Variants in VRK2 observed in about 807,000 individuals in gnomAD.
VRK2 encodes VRK serine/threonine kinase 2.
Under a neutral mutation model 57.6 loss-of-function variants are expected in VRK2, and 60 were observed. The observed-to-expected ratio is 1.04, with a 90% confidence interval of 0.85 to 1.29. The LOEUF is 1.29. Ranked by LOEUF, VRK2 falls within the 50% of genes most tolerant of loss-of-function variation. VRK2 has a pLI of 0.00. For synonymous variants in VRK2, 231 were observed against 199.2 expected, an observed-to-expected ratio of 1.16 and a Z score of -1.35; for missense variants, 705 against 588.1, an observed-to-expected ratio of 1.20 and a Z score of -2.06.
upstream of VRK2, among the ~76,000 whole-genome samples, chr2:58,045,603 T>C (rs1674680941): frequency 6.6e-6 from 1 of 152,226 alleles, no homozygotes; most frequent in Non-Finnish European, 1.5e-5. Context: ...TCTTTAAAAA[T>C]ACTTTTTTGT....
intron 7 of VRK2, among the ~76,000 whole-genome samples, chr2:58,113,328 A>G (rs2104424547): frequency 6.6e-6 from 1 of 151,996 alleles, no homozygotes; most frequent in Admixed American, 6.5e-5. Flanking sequence ...AAAAAAAAAA[A>G]AAGACAGTTG....
intron 10 of VRK2, among the ~76,000 whole-genome samples, 164 bp from the exon 11 acceptor site, chr2:58,139,502 T>G (rs1373877831): frequency 6.6e-6 from 1 of 152,156 alleles, no homozygotes; most frequent in African/African-American, 2.4e-5. Context: ...TCAGTCATTT[T>G]TGAATATCAT....
chr2:58,006,544 T>G (rs1403122193), intron 1 of VRK2, among the ~76,000 whole-genome samples: 1 of 152,164 alleles, frequency 6.6e-6, no homozygotes, highest in African/African-American at 2.4e-5. Flanking sequence ...CTTGAAAATC[T>G]TTGTGATCAC....
chr2:57,947,924 C>T (rs1671310354), intron 1 of VRK2, among the ~76,000 whole-genome samples: 1 of 152,104 alleles, frequency 6.6e-6, no homozygotes. Flanking sequence ...TTTTCCTATT[C>T]TGTTAAACCA....
Position 58,159,676 on chromosome 2 carries a change from GCTTT to G in VRK2, c.1511_1514del (p.Ala504AspfsTer39), listed in dbSNP as rs1411297652. The G allele has an allele frequency of 6.2e-7, 1 of 1,612,522 alleles. No individual in the cohort carries two copies. On this transcript the variant is annotated frameshift_variant, in exon 13 of 13. Coordinates refer to ENST00000340157, the MANE Select transcript of VRK2 (RefSeq NM_006296.7). LOFTEE classifies it high-confidence loss of function. ...TGTCCTTTTGATGTTAGTATTTCTT[GCTTT>G]ATTTTTTCTCTGAAGATGATACCAA...
chr2:57,925,077 G>A (rs1007617897), intron 1 of VRK2, among the ~76,000 whole-genome samples: 1 of 151,870 alleles, frequency 6.6e-6, no homozygotes, highest in African/African-American at 2.4e-5. Flanking sequence ...GTGATGATTA[G>A]TGATCTTTTT....
chr2:57,993,107 T>C (rs1439482595), intron 1 of VRK2, among the ~76,000 whole-genome samples: 1 of 152,216 alleles, frequency 6.6e-6, no homozygotes, highest in Non-Finnish European at 1.5e-5. Flanking sequence ...TATATTTTAG[T>C]GTTCAGTAAA....
chr2:58,032,094 A>G (rs1558550165), intron 2 of VRK2, among the ~76,000 whole-genome samples: 2 of 152,052 alleles, frequency 1.3e-5, no homozygotes, highest in Non-Finnish European at 2.9e-5. Context: ...CTACATAGAA[A>G]TTTTTCTTTC....
At chr2:57,995,893 A>G (rs745827325) in intron 1 of VRK2, among the ~76,000 whole-genome samples, 15 of 152,242 alleles carry the variant, frequency 9.9e-5, no homozygotes, top group South Asian at 2.1e-4. Flanking sequence ...GCAAATGTCA[A>G]CACAAAGAAA....
At chr2:58,155,329 G>A (rs904015529) in intron 12 of VRK2, among the ~76,000 whole-genome samples, 2 of 152,188 alleles carry the variant, frequency 1.3e-5, no homozygotes, top group Non-Finnish European at 2.9e-5. Flanking sequence ...AGAGTGGAGG[G>A]TTGCTGTTGC....
chr2:57,919,610 C>A (rs901801944), intron 1 of VRK2, among the ~76,000 whole-genome samples: 1 of 152,062 alleles, frequency 6.6e-6, no homozygotes, highest in African/African-American at 2.4e-5. Flanking sequence ...AAAATTCATT[C>A]ACAATCAGTA....
At chr2:58,144,274 G>T (rs187852479) in intron 11 of VRK2, among the ~76,000 whole-genome samples, 3 of 151,886 alleles carry the variant, frequency 2.0e-5, no homozygotes, top group Non-Finnish European at 4.4e-5. Context: ...TAGTCAAAAG[G>T]TACAAACTTT....
intron 11 of VRK2, among the ~76,000 whole-genome samples, chr2:58,141,857 T>C (rs1481440799): frequency 2.0e-5 from 3 of 151,950 alleles, no homozygotes; most frequent in Admixed American, 2.0e-4. Context: ...CCACAATAGA[T>C]TGCTTCCATA....
intron 3 of VRK2, among the ~76,000 whole-genome samples, chr2:58,041,352 C>T (rs377623393): frequency 6.6e-6 from 1 of 152,070 alleles, no homozygotes; most frequent in African/African-American, 2.4e-5. Context: ...TGAATGGACC[C>T]CTCTTTTCAG....
chr2:57,990,439 T>C (rs574768988), intron 1 of VRK2, among the ~76,000 whole-genome samples: 53 of 152,302 alleles, frequency 3.5e-4, no homozygotes, highest in African/African-American at 1.2e-3. Context: ...AAGAAAAGAA[T>C]TATTCAGGGT....
At chr2:58,083,368 G>T (rs1671166832) in intron 2 of VRK2, among the ~76,000 whole-genome samples, 1 of 151,786 alleles carries the variant, frequency 6.6e-6, no homozygotes, top group Non-Finnish European at 1.5e-5. Context: ...AATAATTTAG[G>T]TAATGTAGAG....
chr2:57,913,252 C>G (rs762838906), intron 1 of VRK2, among the ~76,000 whole-genome samples: 1 of 152,128 alleles, frequency 6.6e-6, no homozygotes, highest in East Asian at 1.9e-4. Flanking sequence ...TTACATTACG[C>G]AAGTCATGGA....
At chr2:57,948,245 G>C (rs1030133693) in intron 1 of VRK2, among the ~76,000 whole-genome samples, 1 of 152,164 alleles carries the variant, frequency 6.6e-6, no homozygotes, top group Admixed American at 6.5e-5. Context: ...CATTAGGAAA[G>C]TCTGCTTTTC....
At chr2:57,957,624 ATT>A (rs945874184) in intron 1 of VRK2, among the ~76,000 whole-genome samples, 2 of 140,536 alleles carry the variant, frequency 1.4e-5, no homozygotes, top group South Asian at 4.2e-4. Flanking sequence ...TATTATATAT[ATT>A]TCTATATATA....
Sources: gnomAD v4.1 joint callset for allele counts (sites outside exome capture counted in the v4.1 genomes callset) on GRCh38, gnomAD v4.1.1 for gene constraint, MANE v1.5 for transcripts, NCBI Gene and HGNC (gene_info 2026-07-23, HGNC 2026-07-21) for gene names.